The following GRAMD1C variants were observed in gnomAD, a reference collection of about 807,000 sequenced individuals.
The protein encoded by GRAMD1C is protein Aster-C.
Under a neutral mutation model 97.8 loss-of-function variants are expected in GRAMD1C, and 89 were observed. That is an observed-to-expected ratio of 0.91 (90% CI 0.77 to 1.09). GRAMD1C has a LOEUF of 1.09. Ranked by LOEUF, GRAMD1C falls within the 50% of genes least tolerant of loss-of-function variation. The pLI is 0.00. For missense variants in GRAMD1C, 740 were observed against 766.4 expected, an observed-to-expected ratio of 0.97 and a Z score of 0.41; for synonymous variants, 256 against 267.0, an observed-to-expected ratio of 0.96 and a Z score of 0.40.
Position 113,933,650 on chromosome 3 carries a change from T to C in GRAMD1C, c.1349T>C (p.Leu450Pro). ...IIRSSKQKCR[L>P]RVSTDLKYRK... ...CGATCTTCAAAACAGAAATGCAGGC[T>C]AAGGTGAGCTGCTGTACATGAATGT... is the stretch of plus-strand genomic sequence containing the variant. Residue 450 changes from leucine (L) to proline (P), a missense_variant, in exon 12 of 18, where the codon CTA becomes CCA. Leu to Pro is a moderately conservative substitution (Grantham distance 98). Transcript: ENST00000358160. 6.2e-7 allele frequency: 1 copy of C among 1,603,146 alleles called. No homozygotes were observed. Among genetic ancestry groups the C allele is most frequent in the South Asian group, 1.1e-5 (1 of 90,576 alleles).
chr3:113,849,664 A>T (rs926790706), intron 2 of GRAMD1C, among the ~76,000 whole-genome samples: 2 of 152,222 alleles, frequency 1.3e-5, no homozygotes, highest in African/African-American at 4.8e-5. Context: ...CTTAGTACAG[A>T]ACAAAATGAA....
chr3:113,906,652 A>T (rs201627880), intron 8 of GRAMD1C, among the ~76,000 whole-genome samples: 1 of 151,346 alleles, frequency 6.6e-6, no homozygotes, highest in South Asian at 2.1e-4. Context: ...TGAAAAAACA[A>T]TTTTTTTTTG....
chr3:113,868,661 G>C (rs1934674900), intron 2 of GRAMD1C, among the ~76,000 whole-genome samples: 1 of 152,012 alleles, frequency 6.6e-6, no homozygotes, highest in African/African-American at 2.4e-5. Flanking sequence ...CCCTTCTATT[G>C]ACAGATCTGT....
At chr3:113,885,002 G>A (rs1180195322) in intron 6 of GRAMD1C, among the ~76,000 whole-genome samples, 1 of 145,796 alleles carries the variant, frequency 6.9e-6, no homozygotes, top group Non-Finnish European at 1.5e-5. Flanking sequence ...GGTCTCGGAG[G>A]ACCCCATCCT....
At chr3:113,920,078 A>T (rs1406900580) in intron 10 of GRAMD1C, 3 of 1,189,308 alleles carry the variant, frequency 2.5e-6, no homozygotes. Context: ...AAGGTACTTC[A>T]AACAGCAGGA....
rs541324734 is a variant in GRAMD1C, at chr3:113,891,841, C to T, written c.540+9009C>T. ...GGCTGAGGCTGCAGTGAGCTGTGAC[C>T]GTGCCACTGCACTCCAGCCTGGTTG... On this transcript the variant is annotated intron_variant, in intron 6 of 17. Coordinates refer to ENST00000358160, the MANE Select transcript of GRAMD1C (RefSeq NM_017577.5). 9.9e-4 allele frequency among the ~76,000 whole-genome samples: 150 copies of T among 151,722 alleles called. 4 individuals are homozygous for T. The South Asian group carries it at 0.028, about 29-fold the overall frequency.
chr3:113,942,264 A>T (rs556526729), intron 17 of GRAMD1C, among the ~76,000 whole-genome samples: 1 of 151,240 alleles, frequency 6.6e-6, no homozygotes, highest in African/African-American at 2.4e-5. Flanking sequence ...CTCTCTGAAG[A>T]TATTACTGAT....
At chr3:113,930,507 A>C (rs1937375648) in intron 10 of GRAMD1C, among the ~76,000 whole-genome samples, 1 of 152,248 alleles carries the variant, frequency 6.6e-6, no homozygotes, top group Non-Finnish European at 1.5e-5. Context: ...TAAATGGATC[A>C]GAGATGGGGA....
chr3:113,898,617 CT>C (rs1197264097), intron 6 of GRAMD1C, among the ~76,000 whole-genome samples: 2 of 151,978 alleles, frequency 1.3e-5, no homozygotes, highest in Non-Finnish European at 2.9e-5. Flanking sequence ...CTTCCAAAGA[CT>C]TTGTCTACCA....
At position 113,891,851 on chromosome 3, in the gene GRAMD1C, C is replaced by T. The variant is rs140909316; in HGVS notation, c.540+9019C>T. Among the ~76,000 whole-genome samples, 734 of 151,870 alleles carry T rather than the reference C, an allele frequency of 4.8e-3. 15 individuals are homozygous for T. Among genetic ancestry groups the T allele is most frequent in the Admixed American group, 0.02 (305 of 15,246 alleles). On this transcript the variant is annotated intron_variant, in intron 6 of 17. Transcript: ENST00000358160. Reference sequence around the variant, plus strand: ...GCAGTGAGCTGTGACCGTGCCACTGCACTCCAGCCTGGTTGACAGAGTGAG... The same window carrying T: ...GCAGTGAGCTGTGACCGTGCCACTGTACTCCAGCCTGGTTGACAGAGTGAG...
chr3:113,871,001 A>G (rs949471752), intron 3 of GRAMD1C, among the ~76,000 whole-genome samples: 23 of 94,906 alleles, frequency 2.4e-4, no homozygotes, highest in Non-Finnish European at 3.6e-4. Context: ...ACACACACAC[A>G]CACACACACA....
At chr3:113,855,099 G>C (rs1934066408) in intron 2 of GRAMD1C, among the ~76,000 whole-genome samples, 1 of 151,916 alleles carries the variant, frequency 6.6e-6, no homozygotes, top group Non-Finnish European at 1.5e-5. Context: ...ATCACCTGAG[G>C]TCAGGAGTTT....
chr3:113,932,641 G>A (rs1937479961), intron 11 of GRAMD1C, among the ~76,000 whole-genome samples: 1 of 152,124 alleles, frequency 6.6e-6, no homozygotes, highest in Admixed American at 6.6e-5. Context: ...TTGTCCTCAT[G>A]CCTAAAGGAA....
chr3:113,907,242 G>T (rs1936403464), intron 8 of GRAMD1C, among the ~76,000 whole-genome samples: 1 of 152,150 alleles, frequency 6.6e-6, no homozygotes, highest in African/African-American at 2.4e-5. Context: ...TATCTCCTCT[G>T]AGTAAATGTT....
Position 113,930,721 on chromosome 3 carries a change from A to T in GRAMD1C, c.1098A>T (p.Val366=), listed in dbSNP as rs1230526291. The part of the protein sequence containing the change: ...FASSRNIIDV[V]STPWTAELGG... ...TGTGTTTGTTGTTGTTAGATGTAGT[A>T]TCTACCCCTTGGACTGCAGAACTTG... The change falls in exon 11 of 18, where the codon GTA becomes GTT. Residue 366 remains valine, a synonymous_variant. Transcript: ENST00000358160. 7.7e-6 allele frequency: 12 copies of T among 1,556,972 alleles called. No homozygotes were observed.
intron 2 of GRAMD1C, among the ~76,000 whole-genome samples, chr3:113,863,418 T>C (rs1934472004): frequency 6.6e-6 from 1 of 152,104 alleles, no homozygotes; most frequent in Non-Finnish European, 1.5e-5. Flanking sequence ...TTTCCAGAAT[T>C]AGCAAATCCA....
At position 113,936,252 on chromosome 3, in the gene GRAMD1C, T is replaced by G; in HGVS notation, c.1457-14T>G. 1 of 1,488,966 alleles carries G rather than the reference T, an allele frequency of 6.7e-7. No homozygotes were observed. The allele number at this position is 1,488,966 out of a possible 1,614,324, so 92.2% of individuals were successfully genotyped here. ...CTTTCCTCACTATATAAAGATTGTT[T>G]TTTTTTTTCTTAGAATCAGATTTGT... On this transcript the variant is annotated splice_polypyrimidine_tract_variant and intron_variant, in intron 13 of 17. Transcript: ENST00000358160.
chr3:113,866,909 A>C (rs1577141485), intron 2 of GRAMD1C, among the ~76,000 whole-genome samples: 1 of 151,772 alleles, frequency 6.6e-6, no homozygotes. Flanking sequence ...GCTCACTGCA[A>C]CCTCCGCCCT....
chr3:113,923,901 C>T (rs9878407), intron 10 of GRAMD1C, among the ~76,000 whole-genome samples: 65,527 of 151,796 alleles, frequency 0.43, 14,188 homozygotes, highest in Non-Finnish European at 0.45. Flanking sequence ...GTGAATCCAT[C>T]GGGTCCTGGG....
Sources: allele counts gnomAD v4.1 joint callset (sites outside exome capture counted in the v4.1 genomes callset), GRCh38; gene constraint gnomAD v4.1.1; transcripts MANE v1.5; gene names NCBI Gene and HGNC (gene_info 2026-07-23, HGNC 2026-07-21).